Variants in NDUFAF6 observed in about 807,000 individuals in gnomAD.
The protein encoded by NDUFAF6 is NADH:ubiquinone oxidoreductase complex assembly factor 6.
A neutral mutation model predicts 40.8 loss-of-function variants in NDUFAF6; 45 were observed. The observed-to-expected ratio is 1.10, with a 90% CI of 0.87 to 1.42. The LOEUF (loss-of-function observed/expected upper bound fraction) is 1.42, where lower values mean the gene tolerates loss of function less well. NDUFAF6 is among the 40% of genes most tolerant of loss of function. The probability of loss-of-function intolerance (pLI) is 0.00; values close to 1 mark genes in which losing one functional copy is unlikely to be tolerated. For missense variants in NDUFAF6, 435 were observed against 418.5 expected (o/e 1.04, Z -0.34); for synonymous variants, 185 against 155.9 (o/e 1.19, Z -1.39).
At chr8:94,932,720 A>G (rs1468182208) in intron 1 of NDUFAF6, among the ~76,000 whole-genome samples, 4 of 152,146 alleles carry the variant, frequency 2.6e-5, no homozygotes, top group Non-Finnish European at 4.4e-5. Flanking sequence ...GGAGAACGGC[A>G]TGAACCCAGG....
intron 2 of NDUFAF6, chr8:95,102,952 T>C (rs754105715): frequency 2.0e-5 from 3 of 152,154 alleles, no homozygotes; most frequent in Non-Finnish European, 4.4e-5. Flanking sequence ...CACACCAACT[T>C]TGCTTTCCTT....
At chr8:94,991,493 A>C (rs1164035657) in intron 2 of NDUFAF6, among the ~76,000 whole-genome samples, 4 of 152,196 alleles carry the variant, frequency 2.6e-5, no homozygotes, top group Non-Finnish European at 5.9e-5. Flanking sequence ...CATCTGTAAA[A>C]TGGGGATAAT....
intron 1 of NDUFAF6, among the ~76,000 whole-genome samples, chr8:94,965,862 C>T (rs1310722864): frequency 1.3e-5 from 2 of 150,504 alleles, no homozygotes; most frequent in Admixed American, 1.3e-4. Flanking sequence ...TATGCCAGCA[C>T]TGTTTTAGAG....
intron 9 of NDUFAF6, among the ~76,000 whole-genome samples, chr8:95,069,864 T>C (rs1054727883): frequency 6.7e-6 from 1 of 149,176 alleles, no homozygotes; most frequent in African/African-American, 2.5e-5. Flanking sequence ...CCAAAGATCT[T>C]AATTCACAAA....
At chr8:94,901,873 C>T (rs1818039739) in intron 1 of NDUFAF6, among the ~76,000 whole-genome samples, 1 of 152,184 alleles carries the variant, frequency 6.6e-6, no homozygotes, top group African/African-American at 2.4e-5. Context: ...GCATAAGCCA[C>T]TGTGCCCAGC....
rs147013024 is a variant in NDUFAF6 at position 95,028,967 on chromosome 8, C to A, written c.198-3028C>A. ...AAGGTGAAACTGCTTAGGGTGAGAT[C>A]TTTTTAGCAGTACTCTTGAGATAGC... On this transcript the variant is annotated intron_variant, in intron 1 of 8. Transcript: ENST00000396124. Among the ~76,000 whole-genome samples the A allele has an allele frequency of 4.3e-3, 657 of 152,202 alleles. 4 individuals are homozygous for A. The highest frequency in any genetic ancestry group is 0.015 in the African/African-American group (639 of 41,532).
At chr8:95,109,240 G>A (rs1241903665) in intron 4 of NDUFAF6, among the ~76,000 whole-genome samples, 2 of 152,124 alleles carry the variant, frequency 1.3e-5, no homozygotes, top group Admixed American at 6.5e-5. Flanking sequence ...AGAAATCAAA[G>A]TCTATTTGTC....
intron 1 of NDUFAF6, 64 bp downstream of exon 1, chr8:95,025,269 C>A: frequency 1.5e-6 from 2 of 1,332,698 alleles, no homozygotes; most frequent in Non-Finnish European, 1.9e-6. Flanking sequence ...AGCGGCTGCG[C>A]CTCGCGTCTG....
In NDUFAF6 at chr8:94,940,213, G is replaced by C. The variant is rs75917719; in HGVS notation, c.-935-5270G>C. 3.1e-6 allele frequency: 5 copies of C among 1,608,496 alleles called. No homozygotes were observed. The highest frequency in any genetic ancestry group is 4.2e-6 in the Non-Finnish European group (5 of 1,176,670). On this transcript the variant is annotated intron_variant, in intron 1 of 14. Coordinates refer to the NDUFAF6 transcript ENST00000396113. ...CTTCTTCTTCTGCTGAGAAACCAGT[G>C]CAAGTATCTAGATCGTAGTCCACAT...
Position 95,058,314 on chromosome 8 carries a change from A to C in NDUFAF6, c.*377A>C, listed in dbSNP as rs986054307. 3.9e-6 allele frequency: 5 copies of C among 1,274,666 alleles called. No individual in the cohort carries two copies. In the African/African-American group the frequency reaches 7.7e-5, roughly 20 times the overall value. The allele number at this position is 1,274,666 out of a possible 1,614,324, so 79.0% of individuals were successfully genotyped here. On this transcript the variant is annotated 3_prime_UTR_variant, in exon 9 of 9. Coordinates refer to ENST00000396124, the MANE Select transcript of NDUFAF6 (RefSeq NM_152416.4). ...GAAAGGGGAAAGGGCTCAAGTTATC[A>C]TAGGGGCTTACATGCTGAGCAGCTA... is the stretch of plus-strand genomic sequence containing the variant.
chr8:95,104,293 C>T (rs114516402), downstream of NDUFAF6, among the ~76,000 whole-genome samples: 1,132 of 152,258 alleles, frequency 7.4e-3, 14 homozygotes, highest in African/African-American at 0.026. Context: ...CTCATTCTTC[C>T]GTGGAAATAA....
At position 95,048,710 on chromosome 8, in the gene NDUFAF6, AC is replaced by A. The variant is rs566662057; in HGVS notation, c.816+153del. 151 of 690,952 alleles carry A rather than the reference AC, an allele frequency of 2.2e-4. No individual in the cohort carries two copies. The East Asian group carries it at 3.7e-3, about 17-fold the overall frequency. The allele number at this position is 690,952 out of a possible 1,614,324, so 42.8% of individuals were successfully genotyped here. ...AGATTTATCTCGGAGTCTGTTGTAA[AC>A]TTTTTTCACTTAAAAAAGTCCCTCC... On this transcript the variant is annotated intron_variant, in intron 7 of 8. Coordinates refer to ENST00000396124, the MANE Select transcript of NDUFAF6 (RefSeq NM_152416.4).
rs1465264021 is a variant in NDUFAF6 at position 95,053,630 on chromosome 8, TC to T, written c.873+1401del. On this transcript the variant is annotated intron_variant, in intron 8 of 8. Transcript: ENST00000396124. ...CGTTTTACTTTTCTTTCTTTTTCTT[TC>T]TTTTTTTTTTTGGAGGCAGATTCTC... 5.7e-3 allele frequency among the ~76,000 whole-genome samples: 862 copies of T among 151,860 alleles called. 6 individuals are homozygous for T. Among genetic ancestry groups the T allele is most frequent in the African/African-American group, 0.019 (804 of 41,334 alleles).
chr8:94,940,077 G>A (rs1317076965), intron 1 of NDUFAF6: 3 of 1,614,184 alleles, frequency 1.9e-6, no homozygotes, highest in Non-Finnish European at 2.5e-6. Context: ...GACTCAAACT[G>A]GAGAAAGCAG....
intron 1 of NDUFAF6, among the ~76,000 whole-genome samples, chr8:94,962,271 G>A (rs1264754383): frequency 1.3e-5 from 2 of 152,176 alleles, no homozygotes; most frequent in African/African-American, 2.4e-5. Flanking sequence ...GGTCTCTGAC[G>A]GTCCTAGGTT....
At chr8:95,037,415 A>G (rs775439379) in intron 3 of NDUFAF6, among the ~76,000 whole-genome samples, 1 of 152,194 alleles carries the variant, frequency 6.6e-6, no homozygotes, top group Non-Finnish European at 1.5e-5. Flanking sequence ...TTTATGTGCT[A>G]GGAATGGTGC....
intron 2 of NDUFAF6, among the ~76,000 whole-genome samples, chr8:95,007,540 T>C (rs1827046767): frequency 6.6e-6 from 1 of 151,894 alleles, no homozygotes; most frequent in African/African-American, 2.4e-5. Flanking sequence ...GGTGCAAGCC[T>C]GTAGTCCCAA....
chr8:95,020,989 G>A (rs1827671197), upstream of NDUFAF6, among the ~76,000 whole-genome samples: 1 of 152,170 alleles, frequency 6.6e-6, no homozygotes, highest in Non-Finnish European at 1.5e-5. Flanking sequence ...GTGGTGACAA[G>A]GACAAACTTA....
At chr8:94,980,081 AGTGAGACTCT>A (rs976334978) in intron 1 of NDUFAF6, among the ~76,000 whole-genome samples, 2 of 151,726 alleles carry the variant, frequency 1.3e-5, no homozygotes, top group African/African-American at 4.8e-5. Context: ...TGGTTTACAG[AGTGAGACTCT>A]GTCTCAAAGC....
Sources: allele counts gnomAD v4.1 joint callset (sites outside exome capture counted in the v4.1 genomes callset), GRCh38; gene constraint gnomAD v4.1.1; transcripts MANE v1.5; gene names NCBI Gene and HGNC (gene_info 2026-07-23, HGNC 2026-07-21).